Variants in GPR89B observed in about 807,000 individuals in gnomAD.
GPR89B encodes the protein golgi pH regulator B, also known as G protein-coupled receptor 89B.
In GPR89B, 25 loss-of-function variants were observed where a neutral mutation model predicts 52.4. The observed-to-expected ratio is 0.48, with a 90% CI of 0.35 to 0.67. The LOEUF is 0.67. GPR89B is among the 30% of genes least tolerant of loss of function. The pLI is 0.01. For synonymous variants in GPR89B, 52 were observed against 151.2 expected (o/e 0.34, Z 4.81); for missense variants, 146 against 450.2 (o/e 0.32, Z 6.11).
chr1:147,947,226 T>G (rs1655047125), intron 5 of GPR89B, among the ~76,000 whole-genome samples: 2 of 149,850 alleles, frequency 1.3e-5, no homozygotes, highest in Admixed American at 1.3e-4. Flanking sequence ...TCCCAGCTAC[T>G]CCCCGGAGGC....
In GPR89B at chr1:147,980,957, A is replaced by T. The variant is rs1361644446; in HGVS notation, c.910-5242A>T. Among the ~76,000 whole-genome samples the T allele has an allele frequency of 2.0e-5, 3 of 148,560 alleles. No individual in the cohort carries two copies. The Admixed American group carries it at 2.0e-4, about 10-fold the overall frequency. ...GTCTCTGTAGATTTCCCTATTCTGG[A>T]TGTTTCATATAAATGGAATCACATA... On this transcript the variant is annotated intron_variant, in intron 10 of 13. Coordinates refer to ENST00000314163, the MANE Select transcript of GPR89B (RefSeq NM_016334.5).
At chr1:147,931,160 G>C (rs1275307949) in intron 1 of GPR89B, among the ~76,000 whole-genome samples, 1 of 151,776 alleles carries the variant, frequency 6.6e-6, no homozygotes, top group Non-Finnish European at 1.5e-5. Flanking sequence ...ATAAATATTT[G>C]TTAAATGATT....
At chr1:148,002,047 T>C in the GPR89B span, among the ~76,000 whole-genome samples, 3 of 151,574 alleles carry the variant, frequency 2.0e-5, no homozygotes, top group African/African-American at 7.3e-5. Context: ...GCTTTTTTTT[T>C]TTTTTTTTTA....
At chr1:147,978,725 G>A (rs1183926323) in intron 10 of GPR89B, among the ~76,000 whole-genome samples, 6 of 151,904 alleles carry the variant, frequency 3.9e-5, no homozygotes, top group Non-Finnish European at 7.4e-5. Context: ...GAATGGATCC[G>A]AGTCCCACCT....
At chr1:147,949,563 C>T (rs1277741490) in intron 5 of GPR89B, among the ~76,000 whole-genome samples, 37 of 120,348 alleles carry the variant, frequency 3.1e-4, no homozygotes, top group East Asian at 5.3e-4. Flanking sequence ...GGCGGCTGGC[C>T]GGGCGGGGGG....
chr1:147,998,868 G>A, the GPR89B span, among the ~76,000 whole-genome samples: 4 of 143,362 alleles, frequency 2.8e-5, no homozygotes, highest in Non-Finnish European at 3.0e-5. Context: ...ACAACAGCGG[G>A]AGACTCTGTC....
At chr1:148,015,008 TAG>T in the GPR89B span, 11 of 151,784 alleles carry the variant, frequency 7.2e-5, no homozygotes, top group Admixed American at 2.6e-4. Context: ...TGGCTCCGCC[TAG>T]CATTGGATGG....
In GPR89B at chr1:147,959,874, T is replaced by G. The variant is rs1455332168; in HGVS notation, c.617+5472T>G. On this transcript the variant is annotated intron_variant, in intron 7 of 13. Coordinates refer to ENST00000314163, the MANE Select transcript of GPR89B (RefSeq NM_016334.5). ...CTATGTGCAGGTTGAACACACAGTT[T>G]GGATGACAGAAAGTGAAAGCTTTTC... 1.9e-3 allele frequency among the ~76,000 whole-genome samples: 291 copies of G among 151,220 alleles called. 3 individuals are homozygous for G. Among genetic ancestry groups the G allele is most frequent in the African/African-American group, 6.8e-3 (279 of 40,984 alleles).
chr1:147,979,944 T>TGA (rs1658113768), intron 10 of GPR89B, among the ~76,000 whole-genome samples: 1 of 151,496 alleles, frequency 6.6e-6, no homozygotes, highest in African/African-American at 2.4e-5. Flanking sequence ...AAAAATTAAC[T>TGA]GAGTGTGGTG....
intron 1 of GPR89B, among the ~76,000 whole-genome samples, chr1:147,929,444 C>T (rs1443523351): frequency 3.9e-5 from 6 of 152,168 alleles, no homozygotes; most frequent in Admixed American, 2.6e-4. Flanking sequence ...GCTGTATCCC[C>T]ACTTCCAAAT....
intron 7 of GPR89B, among the ~76,000 whole-genome samples, chr1:147,962,104 A>C (rs1656621361): frequency 6.6e-6 from 1 of 151,866 alleles, no homozygotes; most frequent in Non-Finnish European, 1.5e-5. Context: ...GACATAGATC[A>C]CTGGAACAGA....
At chr1:147,958,196 T>TTTATTTACATTTATTTACATTTATTACA (rs1553251888) in intron 7 of GPR89B, among the ~76,000 whole-genome samples, 4 of 152,134 alleles carry the variant, frequency 2.6e-5, no homozygotes, top group Non-Finnish European at 4.4e-5. Context: ...TATAATTTAT[T>TTTATTTACATTTATTTACATTTATTACA]TTATTTACAT....
chr1:147,971,857 C>T (rs1329625342), intron 10 of GPR89B, among the ~76,000 whole-genome samples: 9 of 151,492 alleles, frequency 5.9e-5, no homozygotes, highest in African/African-American at 1.5e-4. Context: ...CAACTGGGTA[C>T]GTTTTGACAT....
the GPR89B span, among the ~76,000 whole-genome samples, chr1:148,015,934 G>A: frequency 6.6e-6 from 1 of 151,896 alleles, no homozygotes. Context: ...AGGGCTTATA[G>A]CAAACCTTTT....
intron 7 of GPR89B, among the ~76,000 whole-genome samples, chr1:147,963,239 G>A (rs1656754048): frequency 1.3e-5 from 2 of 150,802 alleles, no homozygotes. Flanking sequence ...AGCCAGGCGT[G>A]GTGGCGGGCA....
chr1:147,946,502 T>C (rs1553249805), intron 5 of GPR89B, among the ~76,000 whole-genome samples: 1 of 152,178 alleles, frequency 6.6e-6, no homozygotes, highest in African/African-American at 2.4e-5. Flanking sequence ...AGAGTCCTGG[T>C]AGTATAGTTC....
chr1:147,970,494 T>C (rs1657349375), intron 10 of GPR89B, among the ~76,000 whole-genome samples: 1 of 110,500 alleles, frequency 9.0e-6, no homozygotes, highest in Non-Finnish European at 1.8e-5. Context: ...AGACTCCATC[T>C]CTCTCTCTCT....
chr1:148,011,611 G>A, the GPR89B span: 1 of 152,336 alleles, frequency 6.6e-6, no homozygotes, highest in Admixed American at 6.5e-5. Flanking sequence ...GGATCGTGGG[G>A]AGACGAGGGG....
the GPR89B span, among the ~76,000 whole-genome samples, chr1:148,018,912 C>G: frequency 2.0e-5 from 3 of 151,524 alleles, no homozygotes; most frequent in African/African-American, 7.3e-5. Context: ...GTGATCCGCC[C>G]GCCTCGGCCT....
Sources: allele counts gnomAD v4.1 joint callset (sites outside exome capture counted in the v4.1 genomes callset), GRCh38; gene constraint gnomAD v4.1.1; transcripts MANE v1.5; gene names NCBI Gene and HGNC (gene_info 2026-07-23, HGNC 2026-07-21).